IPCEF1: variants seen among roughly 807,000 people sequenced by gnomAD.
IPCEF1 encodes the protein interactor protein for cytohesin exchange factors 1.
Under a neutral mutation model 50.9 loss-of-function variants are expected in IPCEF1, and 31 were observed. That is an observed-to-expected ratio of 0.61 (90% CI 0.46 to 0.82). The LOEUF (loss-of-function observed/expected upper bound fraction) is 0.82. Ranked by LOEUF, IPCEF1 falls within the 40% of genes least tolerant of loss-of-function variation. IPCEF1 has a pLI of 0.00. For synonymous variants in IPCEF1, 181 were observed against 192.0 expected, an observed-to-expected ratio of 0.94 and a Z score of 0.47; for missense variants, 458 against 514.0, an observed-to-expected ratio of 0.89 and a Z score of 1.05.
intron 1 of IPCEF1, among the ~76,000 whole-genome samples, chr6:154,298,583 G>A (rs1782718792): frequency 6.6e-6 from 1 of 152,300 alleles, no homozygotes; most frequent in South Asian, 2.1e-4. Flanking sequence ...AGAAAGCAAA[G>A]AAAATGGAGA....
intron 10 of IPCEF1, among the ~76,000 whole-genome samples, chr6:154,177,935 T>C (rs924897118): frequency 6.6e-6 from 1 of 152,160 alleles, no homozygotes; most frequent in Non-Finnish European, 1.5e-5. Flanking sequence ...GTGTCACATA[T>C]ACACCATGGG....
At chr6:154,173,975 C>T (rs999628845) in intron 10 of IPCEF1, among the ~76,000 whole-genome samples, 5 of 152,126 alleles carry the variant, frequency 3.3e-5, no homozygotes, top group Non-Finnish European at 7.4e-5. Context: ...GTGGATCTCT[C>T]GACAGAAACC....
At chr6:154,190,933 A>G (rs764892124) in intron 10 of IPCEF1, among the ~76,000 whole-genome samples, 2 of 151,998 alleles carry the variant, frequency 1.3e-5, no homozygotes, top group African/African-American at 4.8e-5. Flanking sequence ...GCAGGTACCT[A>G]TAGTCCCAGC....
chr6:154,160,374 C>G (rs1203870282), intron 11 of IPCEF1, among the ~76,000 whole-genome samples: 1 of 152,202 alleles, frequency 6.6e-6, no homozygotes, highest in Non-Finnish European at 1.5e-5. Flanking sequence ...CTAAAACTTA[C>G]CATTGTAGGT....
intron 1 of IPCEF1, among the ~76,000 whole-genome samples, chr6:154,348,225 C>T (rs1237555030): frequency 6.6e-6 from 1 of 152,188 alleles, no homozygotes; most frequent in Non-Finnish European, 1.5e-5. Flanking sequence ...CCTTGCTCCA[C>T]AGTCCCTCCC....
chr6:154,348,022 C>T (rs530023317), intron 1 of IPCEF1, among the ~76,000 whole-genome samples: 14 of 152,282 alleles, frequency 9.2e-5, no homozygotes, highest in African/African-American at 1.2e-4. Context: ...AATCAGGAGT[C>T]GCTGAGCCTT....
chr6:154,242,907 T>A (rs1405331431), intron 5 of IPCEF1, among the ~76,000 whole-genome samples: 1 of 121,822 alleles, frequency 8.2e-6, no homozygotes, highest in South Asian at 2.8e-4. Context: ...AAAAGAAAAG[T>A]ATAGGCCACT....
intron 10 of IPCEF1, among the ~76,000 whole-genome samples, chr6:154,198,909 G>A (rs952314638): frequency 4.4e-4 from 67 of 152,256 alleles, no homozygotes; most frequent in African/African-American, 1.6e-3. Context: ...TCACTGCTCA[G>A]TATCTTCCAT....
In IPCEF1 at chr6:154,274,786, C is replaced by T. The variant is rs561696988; in HGVS notation, c.-17-8822G>A. Among the ~76,000 whole-genome samples the T allele has an allele frequency of 2.6e-4, 40 of 152,322 alleles. No individual in the cohort carries two copies. In the South Asian group the frequency reaches 8.1e-3, roughly 31 times the overall value. On this transcript the variant is annotated intron_variant, in intron 2 of 11. Coordinates refer to ENST00000367220, the MANE Select transcript of IPCEF1 (RefSeq NM_001130700.2). ...TCCTCAGAGCACCCAGAGCCCAGCC[C>T]TGGCCCACATGCACCCTGTGTTGGT...
rs116891804 is a variant in IPCEF1 at position 154,220,167 on chromosome 6, G to A, written c.392+1090C>T. Among the ~76,000 whole-genome samples, 28 of 152,320 alleles carry A rather than the reference G, an allele frequency of 1.8e-4. No individual in the cohort carries two copies. The East Asian group carries it at 5.4e-3, about 29-fold the overall frequency. ...AGGTTAAGCGTAAGCTCTGTGAATG[G>A]AGGAATTATGTGTGGGTTTTTCATT... On this transcript the variant is annotated intron_variant, in intron 7 of 11. Transcript: ENST00000367220.
intron 4 of IPCEF1, 38 bp downstream of exon 4, chr6:154,247,411 A>C (rs34434346): frequency 6.3e-7 from 1 of 1,578,542 alleles, no homozygotes; most frequent in Non-Finnish European, 8.7e-7. Context: ...CTCAACGTAC[A>C]CAAAATGGAG....
In IPCEF1 at chr6:154,182,307, T is replaced by C. The variant is rs1266481520; in HGVS notation, c.911-14194A>G. Among the ~76,000 whole-genome samples the C allele has an allele frequency of 2.0e-5, 3 of 152,326 alleles. No individual in the cohort carries two copies. In the East Asian group the frequency reaches 5.8e-4, roughly 29 times the overall value. On this transcript the variant is annotated intron_variant, in intron 10 of 11. Transcript: ENST00000367220. ...CTGTTAAGACAGCTCAAGGCTCTTCTACTGTATTATTGCTTTTATTGATAA... is the reference window on the plus strand; with the variant it reads ...CTGTTAAGACAGCTCAAGGCTCTTCCACTGTATTATTGCTTTTATTGATAA...
At chr6:154,281,449 C>T (rs1420690348) in intron 2 of IPCEF1, among the ~76,000 whole-genome samples, 1 of 152,018 alleles carries the variant, frequency 6.6e-6, no homozygotes, top group Non-Finnish European at 1.5e-5. Flanking sequence ...TCACTTGAGC[C>T]CAGGAGTTTG....
chr6:154,222,949 C>T (rs1343164370), intron 6 of IPCEF1: 6 of 574,180 alleles, frequency 1.0e-5, no homozygotes, highest in Admixed American at 2.9e-5. Flanking sequence ...GCCAAGACTT[C>T]GTGGGGGTTT....
At chr6:154,312,208 C>T (rs1783094443) in intron 1 of IPCEF1, among the ~76,000 whole-genome samples, 2 of 152,082 alleles carry the variant, frequency 1.3e-5, no homozygotes, top group African/African-American at 2.4e-5. Flanking sequence ...TGAAATAAGC[C>T]AGTCACAAAA....
intron 10 of IPCEF1, among the ~76,000 whole-genome samples, chr6:154,183,111 C>G (rs1801040951): frequency 6.6e-6 from 1 of 152,078 alleles, no homozygotes; most frequent in African/African-American, 2.4e-5. Flanking sequence ...TCCCCAGTAG[C>G]TGGGATTACA....
At chr6:154,282,682 G>C (rs186620813) in intron 2 of IPCEF1, among the ~76,000 whole-genome samples, 1 of 151,632 alleles carries the variant, frequency 6.6e-6, no homozygotes, top group Non-Finnish European at 1.5e-5. Flanking sequence ...GCGAGACTCC[G>C]TCTCAAAAAA....
At chr6:154,253,336 C>A (rs535025610) in intron 3 of IPCEF1, among the ~76,000 whole-genome samples, 74 of 152,288 alleles carry the variant, frequency 4.9e-4, no homozygotes, top group African/African-American at 1.7e-3. Context: ...CCACATCCGA[C>A]CTCCTTTGCA....
chr6:154,247,423 T>C (rs1211754723), intron 4 of IPCEF1, 26 bp downstream of exon 4: 1 of 1,598,552 alleles, frequency 6.3e-7, no homozygotes, highest in Admixed American at 1.7e-5. Flanking sequence ...AAAATGGAGA[T>C]AAAGAAACAA....
Sources: allele counts gnomAD v4.1 joint callset (sites outside exome capture counted in the v4.1 genomes callset), GRCh38; gene constraint gnomAD v4.1.1; transcripts MANE v1.5; gene names NCBI Gene and HGNC (gene_info 2026-07-23, HGNC 2026-07-21).